Variants in TMTC1 observed in about 807,000 individuals in gnomAD.
TMTC1 encodes the protein protein O-mannosyl-transferase TMTC1.
A neutral mutation model predicts 104.8 loss-of-function variants in TMTC1; 73 were observed. That is an observed-to-expected ratio of 0.70 (90% CI 0.58 to 0.85). The LOEUF is 0.85. Ranked by LOEUF, TMTC1 falls within the 40% of genes least tolerant of loss-of-function variation. The pLI, the probability that TMTC1 is intolerant of heterozygous loss-of-function variation, is 0.00. For synonymous variants in TMTC1, 434 were observed against 428.7 expected (o/e 1.01, Z -0.15); for missense variants, 1,035 against 1,096.1 (o/e 0.94, Z 0.79).
intron 5 of TMTC1, among the ~76,000 whole-genome samples, chr12:29,733,592 T>A (rs1942599092): frequency 6.6e-6 from 1 of 152,174 alleles, no homozygotes; most frequent in Non-Finnish European, 1.5e-5. Context: ...CACTCTTATC[T>A]CCAATATTCC....
intron 7 of TMTC1, among the ~76,000 whole-genome samples, chr12:29,584,853 G>A (rs1659118719): frequency 6.7e-6 from 1 of 150,118 alleles, no homozygotes; most frequent in South Asian, 2.1e-4. Flanking sequence ...TGGACATTTG[G>A]GTTGGTTCCA....
intron 6 of TMTC1, among the ~76,000 whole-genome samples, chr12:29,607,630 T>C (rs159716): frequency 0.43 from 65,304 of 152,008 alleles, 14,419 homozygotes; most frequent in African/African-American, 0.49. Context: ...CTTCACCTAA[T>C]GGCAGTGACT....
chr12:29,631,428 T>C (rs992272990), intron 6 of TMTC1, among the ~76,000 whole-genome samples: 14 of 152,218 alleles, frequency 9.2e-5, no homozygotes, highest in African/African-American at 3.4e-4. Flanking sequence ...GTATACTGTA[T>C]AAGGTAAGGG....
intron 9 of TMTC1, among the ~76,000 whole-genome samples, chr12:29,567,120 A>T (rs148598215): frequency 1.3e-5 from 2 of 152,316 alleles, no homozygotes; most frequent in Non-Finnish European, 2.9e-5. Context: ...AGAGCTCCCC[A>T]TGGGATCAGC....
rs545517032 is a variant in TMTC1 at position 29,699,490 on chromosome 12, A to G, written c.938+52176T>C. 2.0e-5 allele frequency among the ~76,000 whole-genome samples: 3 copies of G among 152,294 alleles called. No homozygotes were observed. The South Asian group carries it at 6.2e-4, about 32-fold the overall frequency. On this transcript the variant is annotated intron_variant, in intron 5 of 17. Transcript: ENST00000539277. ...CTTCTATGACTACTTTGAATACCAC[A>G]TTGTTTTTAAGAACTCCAAATGTAA...
intron 6 of TMTC1, among the ~76,000 whole-genome samples, chr12:29,623,674 G>A (rs527274322): frequency 2.6e-5 from 4 of 152,180 alleles, no homozygotes; most frequent in East Asian, 1.9e-4. Context: ...TTAGCCAGGC[G>A]CAATGGCGGT....
intron 7 of TMTC1, among the ~76,000 whole-genome samples, chr12:29,588,503 T>C (rs1186831055): frequency 6.6e-6 from 1 of 152,202 alleles, no homozygotes; most frequent in Non-Finnish European, 1.5e-5. Context: ...CTCCGTTCTT[T>C]CATTCATCAG....
chr12:29,515,021 A>G (rs952268543), intron 15 of TMTC1, among the ~76,000 whole-genome samples: 2 of 152,080 alleles, frequency 1.3e-5, no homozygotes, highest in Non-Finnish European at 2.9e-5. Flanking sequence ...TCTCAAATAT[A>G]TATACATTCT....
intron 5 of TMTC1, 117 bp downstream of exon 5, chr12:29,751,549 A>G: frequency 9.8e-7 from 1 of 1,023,872 alleles, no homozygotes; most frequent in Admixed American, 1.7e-5. Context: ...GGGAAGCATG[A>G]AGAGAGGGAG....
chr12:29,600,340 C>A (rs1315290717), intron 7 of TMTC1, among the ~76,000 whole-genome samples: 1 of 152,032 alleles, frequency 6.6e-6, no homozygotes, highest in East Asian at 1.9e-4. Flanking sequence ...TAGGTAAAAT[C>A]TTTTCCTAGT....
chr12:29,572,232 A>G lies in TMTC1; in HGVS notation c.1419-14T>C, dbSNP rs746510696. 5.7e-6 allele frequency: 9 copies of G among 1,575,282 alleles called. No homozygotes were observed. The highest frequency in any genetic ancestry group is 2.6e-6 in the Non-Finnish European group (3 of 1,145,276). ...TGAACTCCAGACCTAAAATGAATAAATTTTTAAAAAGAATTATTTGACAAA... is the reference window on the plus strand; with the variant it reads ...TGAACTCCAGACCTAAAATGAATAAGTTTTTAAAAAGAATTATTTGACAAA... On this transcript the variant is annotated splice_polypyrimidine_tract_variant and intron_variant, in intron 8 of 17. Coordinates refer to ENST00000539277, the MANE Select transcript of TMTC1 (RefSeq NM_001193451.2).
intron 6 of TMTC1, among the ~76,000 whole-genome samples, chr12:29,623,754 A>G (rs1009519940): frequency 2.0e-5 from 3 of 152,282 alleles, no homozygotes; most frequent in South Asian, 2.1e-4. Flanking sequence ...CGGAGGTTGC[A>G]GTGAGCCAAG....
At chr12:29,643,686 A>AT (rs376224603) in intron 5 of TMTC1, among the ~76,000 whole-genome samples, 10 of 15,418 alleles carry the variant, frequency 6.5e-4, no homozygotes, top group Non-Finnish European at 7.7e-4. Context: ...TATATATTAT[A>AT]TATATTATAT....
intron 5 of TMTC1, among the ~76,000 whole-genome samples, chr12:29,728,376 T>C (rs1011828494): frequency 1.3e-5 from 2 of 152,102 alleles, no homozygotes; most frequent in South Asian, 4.2e-4. Flanking sequence ...TCCTGGACAG[T>C]CATGGCCAAG....
At chr12:29,752,154 A>C (rs1441199024) in intron 4 of TMTC1, among the ~76,000 whole-genome samples, 3 of 115,242 alleles carry the variant, frequency 2.6e-5, no homozygotes, top group South Asian at 3.2e-4. Context: ...CACACACTCA[A>C]ACACACACTT....
At chr12:29,570,888 C>T (rs77057372) in intron 9 of TMTC1, among the ~76,000 whole-genome samples, 1 of 137,348 alleles carries the variant, frequency 7.3e-6, no homozygotes, top group Non-Finnish European at 1.6e-5. Flanking sequence ...AACACCCCCC[C>T]CCCCCGCCAA....
chr12:29,524,754 A>G (rs957558792), intron 11 of TMTC1, among the ~76,000 whole-genome samples: 3 of 152,236 alleles, frequency 2.0e-5, no homozygotes, highest in Non-Finnish European at 4.4e-5. Context: ...TAAAGATGCC[A>G]TTAAATGTTT....
At chr12:29,624,857 A>G (rs1001189567) in intron 6 of TMTC1, among the ~76,000 whole-genome samples, 4 of 152,232 alleles carry the variant, frequency 2.6e-5, no homozygotes, top group African/African-American at 4.8e-5. Context: ...CAGAGGAAAA[A>G]GTAGTGAAGC....
chr12:29,779,956 G>T (rs1157864351), intron 1 of TMTC1, among the ~76,000 whole-genome samples: 1 of 152,080 alleles, frequency 6.6e-6, no homozygotes, highest in Non-Finnish European at 1.5e-5. Flanking sequence ...TACATATATA[G>T]GTGTGATATC....
Sources: allele counts gnomAD v4.1 joint callset (sites outside exome capture counted in the v4.1 genomes callset), GRCh38; gene constraint gnomAD v4.1.1; transcripts MANE v1.5; gene names NCBI Gene and HGNC (gene_info 2026-07-23, HGNC 2026-07-21).